Variants in WWOX observed in about 807,000 individuals in gnomAD.
WWOX encodes the protein WW domain containing oxidoreductase, also known as WW domain-containing oxidoreductase.
In WWOX, 69 loss-of-function variants were observed where a neutral mutation model predicts 46.2. The ratio of observed to expected loss-of-function variants is 1.49; its 90% CI spans 1.23 to 1.82. WWOX has a LOEUF of 1.82. WWOX is among the 40% of genes most tolerant of loss of function. The pLI is 0.00. For synonymous variants in WWOX, 359 were observed against 202.6 expected (o/e 1.77, Z -6.56); for missense variants, 919 against 542.6 (o/e 1.69, Z -6.89).
At chr16:78,895,128 A>G (rs971348344) in intron 8 of WWOX, among the ~76,000 whole-genome samples, 1 of 152,152 alleles carries the variant, frequency 6.6e-6, no homozygotes, top group African/African-American at 2.4e-5. Context: ...GGCATATGCT[A>G]AAGTGTAATA....
chr16:79,116,989 T>A (rs977945432), intron 8 of WWOX, among the ~76,000 whole-genome samples: 3 of 152,178 alleles, frequency 2.0e-5, no homozygotes, highest in African/African-American at 7.2e-5. Context: ...ATTAATCTTG[T>A]ACATCTCCAT....
intron 8 of WWOX, among the ~76,000 whole-genome samples, chr16:78,484,629 T>C (rs1315876866): frequency 6.6e-6 from 1 of 152,152 alleles, no homozygotes; most frequent in Non-Finnish European, 1.5e-5. Context: ...ACGGTAGTAT[T>C]TGTGTGTAGA....
At chr16:79,025,016 G>T (rs147609997) in intron 8 of WWOX, among the ~76,000 whole-genome samples, 1 of 152,172 alleles carries the variant, frequency 6.6e-6, no homozygotes, top group Non-Finnish European at 1.5e-5. Context: ...ATGAAGCACC[G>T]CCAGGCCCAG....
intron 5 of WWOX, among the ~76,000 whole-genome samples, chr16:78,352,627 G>A (rs985580918): frequency 1.3e-5 from 2 of 152,138 alleles, no homozygotes; most frequent in Admixed American, 1.3e-4. Context: ...CTGCCTGTTT[G>A]AAGGTCAGCC....
intron 8 of WWOX, among the ~76,000 whole-genome samples, chr16:78,722,698 G>GTTT (rs56266240): frequency 1.3e-4 from 15 of 116,290 alleles, no homozygotes; most frequent in South Asian, 3.5e-4. Context: ...GTTTGTCTCT[G>GTTT]TTTTTTTTTT....
At chr16:78,951,841 C>A (rs993804733) in intron 8 of WWOX, among the ~76,000 whole-genome samples, 3 of 152,082 alleles carry the variant, frequency 2.0e-5, no homozygotes, top group African/African-American at 7.2e-5. Flanking sequence ...CAGTTCCTGG[C>A]ACCAGCATGC....
intron 8 of WWOX, among the ~76,000 whole-genome samples, chr16:78,820,821 C>G (rs1453834454): frequency 1.3e-5 from 2 of 152,226 alleles, no homozygotes; most frequent in East Asian, 1.9e-4. Context: ...GAGGGAGAAA[C>G]CATGCCATGC....
At chr16:79,164,947 T>C (rs1464150538) in intron 8 of WWOX, among the ~76,000 whole-genome samples, 1 of 152,110 alleles carries the variant, frequency 6.6e-6, no homozygotes, top group Non-Finnish European at 1.5e-5. Flanking sequence ...CCTGTTGTTA[T>C]TCACCCAGTA....
chr16:78,457,773 G>A (rs2083854245), intron 8 of WWOX, among the ~76,000 whole-genome samples: 1 of 151,888 alleles, frequency 6.6e-6, no homozygotes, highest in African/African-American at 2.4e-5. Context: ...AATTATAGCT[G>A]GGCGTGGTGG....
At chr16:78,265,498 G>A (rs926699793) in intron 5 of WWOX, among the ~76,000 whole-genome samples, 24 of 151,890 alleles carry the variant, frequency 1.6e-4, no homozygotes, top group Non-Finnish European at 2.9e-5. Flanking sequence ...GACCAACATG[G>A]AGAAACCCCG....
intron 8 of WWOX, among the ~76,000 whole-genome samples, chr16:78,481,219 C>G (rs2084477374): frequency 6.6e-6 from 1 of 152,088 alleles, no homozygotes; most frequent in African/African-American, 2.4e-5. Context: ...GGCGTATGCC[C>G]TTAATTTTTC....
chr16:78,380,607 T>C (rs1204935016), intron 5 of WWOX, among the ~76,000 whole-genome samples: 2 of 152,110 alleles, frequency 1.3e-5, no homozygotes, highest in East Asian at 1.9e-4. Context: ...ATTGTGATGA[T>C]CACGATGATA....
rs1055462937 is a variant in WWOX, at chr16:79,028,829, A to G, written c.1057-182779A>G. Among the ~76,000 whole-genome samples the G allele has an allele frequency of 4.0e-5, 6 of 151,718 alleles. No homozygotes were observed. In the East Asian group the frequency reaches 9.6e-4, roughly 24 times the overall value. On this transcript the variant is annotated intron_variant, in intron 8 of 8. Transcript: ENST00000566780. ...GAGGCGAATGGTTTTCCAATCTTCA[A>G]ACCAACCTATATCACAAAAGCATTC...
chr16:78,333,139 C>T (rs2080803838), intron 5 of WWOX, among the ~76,000 whole-genome samples: 1 of 145,150 alleles, frequency 6.9e-6, no homozygotes, highest in African/African-American at 2.5e-5. Flanking sequence ...CAACCTTCGC[C>T]TCCCAGGTTC....
intron 8 of WWOX, chr16:79,205,716 A>C (rs1430151243): frequency 1.3e-5 from 2 of 152,218 alleles, no homozygotes; most frequent in African/African-American, 4.8e-5. Context: ...AAGTATTTGC[A>C]TGTGTCTAAG....
chr16:78,557,575 C>G (rs2044331100), intron 8 of WWOX, among the ~76,000 whole-genome samples: 1 of 151,930 alleles, frequency 6.6e-6, no homozygotes, highest in Non-Finnish European at 1.5e-5. Flanking sequence ...GGGAGTGGCA[C>G]TATAGCTGAA....
intron 5 of WWOX, among the ~76,000 whole-genome samples, chr16:78,352,943 T>C (rs2081213661): frequency 6.6e-6 from 1 of 152,240 alleles, no homozygotes. Flanking sequence ...TTTATTTTAT[T>C]CTTTAATGAT....
At chr16:78,443,117 C>T (rs2083482030) in intron 8 of WWOX, among the ~76,000 whole-genome samples, 2 of 125,994 alleles carry the variant, frequency 1.6e-5, no homozygotes, top group African/African-American at 3.3e-5. Flanking sequence ...GCCTGCGTGA[C>T]AGAGCGAGAC....
chr16:79,180,765 C>T (rs930333274), intron 8 of WWOX, among the ~76,000 whole-genome samples: 3 of 152,124 alleles, frequency 2.0e-5, no homozygotes, highest in Non-Finnish European at 4.4e-5. Context: ...ATCCATCCAT[C>T]CATCCATTCA....
Sources: allele counts gnomAD v4.1 joint callset (sites outside exome capture counted in the v4.1 genomes callset), GRCh38; gene constraint gnomAD v4.1.1; transcripts MANE v1.5; gene names NCBI Gene and HGNC (gene_info 2026-07-23, HGNC 2026-07-21).